The following PALM2AKAP2 variants were observed in gnomAD, a reference collection of about 807,000 sequenced individuals.
PALM2AKAP2 encodes PALM2 and AKAP2 fusion, also known as PALM2-AKAP2 fusion protein.
Under a neutral mutation model 71.5 loss-of-function variants are expected in PALM2AKAP2, and 37 were observed. The observed-to-expected ratio is 0.52, with a 90% confidence interval of 0.40 to 0.68. The LOEUF is 0.68. Ranked by LOEUF, PALM2AKAP2 falls within the 30% of genes least tolerant of loss-of-function variation. The pLI is 0.00. For missense variants in PALM2AKAP2, 1,224 were observed against 1,191.8 expected (o/e 1.03, Z -0.40); for synonymous variants, 468 against 478.8 (o/e 0.98, Z 0.29).
intron 1 of PALM2AKAP2, among the ~76,000 whole-genome samples, chr9:109,691,929 T>TATATATATATACACATATATATATATAC (rs1827902571): frequency 8.5e-6 from 1 of 117,744 alleles, no homozygotes; most frequent in Admixed American, 8.1e-5. Flanking sequence ...TATATACACA[T>TATATATATATACACATATATATATATAC]ATATATATAT....
At chr9:110,046,977 TGA>T (rs1470465897), upstream of PALM2AKAP2, among the ~76,000 whole-genome samples, 1 of 152,160 alleles carries the variant, frequency 6.6e-6, no homozygotes, top group Admixed American at 6.5e-5. Context: ...CATTTTAATG[TGA>T]GTTTTTCACA....
At chr9:110,076,226 T>G (rs1489086528) in intron 1 of PALM2AKAP2, among the ~76,000 whole-genome samples, 1 of 152,064 alleles carries the variant, frequency 6.6e-6, no homozygotes, top group Non-Finnish European at 1.5e-5. Flanking sequence ...TCCTTCCATG[T>G]GAATTAGTCT....
intron 3 of PALM2AKAP2, among the ~76,000 whole-genome samples, chr9:109,896,418 G>T (rs543327308): frequency 6.6e-6 from 1 of 152,260 alleles, no homozygotes; most frequent in Non-Finnish European, 1.5e-5. Context: ...CTTCATACTG[G>T]TGGTGAGTCA....
At chr9:109,667,901 G>A (rs142453503) in intron 1 of PALM2AKAP2, among the ~76,000 whole-genome samples, 103 of 151,644 alleles carry the variant, frequency 6.8e-4, no homozygotes, top group African/African-American at 2.4e-3. Context: ...GGAATTATTG[G>A]GAATACCTTT....
At chr9:109,754,999 G>A (rs767638904) in intron 1 of PALM2AKAP2, among the ~76,000 whole-genome samples, 7 of 151,902 alleles carry the variant, frequency 4.6e-5, no homozygotes, top group African/African-American at 9.7e-5. Context: ...CTGTGTATAA[G>A]CAAGTTCTGC....
intron 7 of PALM2AKAP2, among the ~76,000 whole-genome samples, chr9:110,035,375 C>A (rs916198601): frequency 7.2e-4 from 50 of 69,112 alleles, no homozygotes; most frequent in Non-Finnish European, 1.0e-3. Flanking sequence ...ATATTATATA[C>A]ATATATTATA....
intron 1 of PALM2AKAP2, among the ~76,000 whole-genome samples, chr9:110,057,533 C>T (rs1658253695): frequency 6.6e-6 from 1 of 152,076 alleles, no homozygotes. Context: ...CGCGTGCCAC[C>T]ACGCCCGGCT....
intron 1 of PALM2AKAP2, among the ~76,000 whole-genome samples, chr9:109,799,783 C>G (rs1333848924): frequency 6.6e-6 from 1 of 152,208 alleles, no homozygotes; most frequent in Non-Finnish European, 1.5e-5. Flanking sequence ...GCATGAACCA[C>G]CGCGTCGGCC....
At chr9:109,987,823 A>G (rs1222718238) in intron 6 of PALM2AKAP2, among the ~76,000 whole-genome samples, 1 of 152,218 alleles carries the variant, frequency 6.6e-6, no homozygotes, top group African/African-American at 2.4e-5. Flanking sequence ...CACAGCATAA[A>G]CATCACCGTA....
intron 2 of PALM2AKAP2, among the ~76,000 whole-genome samples, chr9:109,870,483 G>A (rs1829575818): frequency 6.6e-6 from 1 of 152,194 alleles, no homozygotes; most frequent in Non-Finnish European, 1.5e-5. Flanking sequence ...GTCAGTAACA[G>A]TCACCATTTT....
intron 3 of PALM2AKAP2, among the ~76,000 whole-genome samples, chr9:109,890,472 G>C (rs1306137438): frequency 6.6e-6 from 1 of 152,168 alleles, no homozygotes; most frequent in Non-Finnish European, 1.5e-5. Context: ...TGGGATTTTG[G>C]CTCCTTAGCC....
intron 1 of PALM2AKAP2, among the ~76,000 whole-genome samples, chr9:109,714,046 T>C (rs1289152934): frequency 6.6e-6 from 1 of 152,232 alleles, no homozygotes; most frequent in Admixed American, 6.5e-5. Context: ...AGAAAGAGTC[T>C]ATTAATTAAA....
intron 1 of PALM2AKAP2, among the ~76,000 whole-genome samples, chr9:109,853,287 G>GT (rs35474251): frequency 0.78 from 118,916 of 152,068 alleles, 46,860 homozygotes; most frequent in East Asian, 0.93. Context: ...GGATGATGCT[G>GT]TTAGCAGCAA....
intron 7 of PALM2AKAP2, among the ~76,000 whole-genome samples, chr9:110,024,138 G>A (rs1706837287): frequency 1.3e-5 from 2 of 151,844 alleles, no homozygotes; most frequent in African/African-American, 4.8e-5. Flanking sequence ...ATGCCATATG[G>A]TTCCCCCAGG....
chr9:110,119,341 C>CAA (rs200861093), intron 1 of PALM2AKAP2, among the ~76,000 whole-genome samples: 1 of 88,906 alleles, frequency 1.1e-5, no homozygotes, highest in Non-Finnish European at 2.4e-5. Context: ...GACTCCATCT[C>CAA]AAAAAAAAAA....
At chr9:109,942,725 A>C in intron 6 of PALM2AKAP2, 1 of 1,607,724 alleles carries the variant, frequency 6.2e-7, no homozygotes, top group East Asian at 2.2e-5. Flanking sequence ...AAAGACAAAC[A>C]AACAGGAGAG....
chr9:109,975,631 C>T (rs1252585710), intron 6 of PALM2AKAP2, among the ~76,000 whole-genome samples: 1 of 152,214 alleles, frequency 6.6e-6, no homozygotes. Flanking sequence ...GAAAACTACA[C>T]ATGGACACTA....
chr9:109,796,553 A>G (rs971780269), intron 1 of PALM2AKAP2, among the ~76,000 whole-genome samples: 2 of 152,222 alleles, frequency 1.3e-5, no homozygotes, highest in Non-Finnish European at 2.9e-5. Flanking sequence ...ACTGCTATAA[A>G]TAACTTCCCC....
At position 110,136,571 on chromosome 9, in the gene PALM2AKAP2, C is replaced by T. The variant is rs774333812; in HGVS notation, c.601C>T (p.Pro201Ser). 18 of 1,613,428 alleles carry T rather than the reference C, an allele frequency of 1.1e-5. 1 individual carries two copies. In the South Asian group the frequency reaches 1.6e-4, roughly 15 times the overall value. The change falls in exon 2 of 4, where the codon CCT (proline) becomes TCT (serine). Residue 201 changes from proline (P) to serine (S), a missense_variant. By Grantham distance (74) the Pro-to-Ser change is moderately conservative (BLOSUM62 -1). Coordinates refer to ENST00000374525, the Ensembl canonical transcript of PALM2AKAP2. ...TGAAAGAACAGCTAGCCGGCAGGCACCTCCTCACATCGAGCTCAGTAATAG... is the reference window on the plus strand; with the variant it reads ...TGAAAGAACAGCTAGCCGGCAGGCATCTCCTCACATCGAGCTCAGTAATAG...
Sources: allele counts gnomAD v4.1 joint callset (sites outside exome capture counted in the v4.1 genomes callset), GRCh38; gene constraint gnomAD v4.1.1; transcripts MANE v1.5; gene names NCBI Gene and HGNC (gene_info 2026-07-23, HGNC 2026-07-21).